Variants in TMEM59 observed in about 807,000 individuals in gnomAD.
The protein encoded by TMEM59 is dendritic cell factor 1.
Under a neutral mutation model 42.2 loss-of-function variants are expected in TMEM59, and 44 were observed. That is an observed-to-expected ratio of 1.04 (90% CI 0.82 to 1.34). The LOEUF (loss-of-function observed/expected upper bound fraction) is 1.34, where lower values mean the gene tolerates loss of function less well. Among genes scored for constraint, TMEM59 ranks in the 40% most tolerant of loss-of-function variants. The pLI is 0.00. For synonymous variants in TMEM59, 148 were observed against 145.8 expected (o/e 1.02, Z -0.11); for missense variants, 359 against 382.8 (o/e 0.94, Z 0.52).
Position 54,027,911 on chromosome 1 carries a change from C to T in TMEM59, c.*4239G>A, listed in dbSNP as rs1244216711. 6.6e-6 allele frequency: 1 copy of T among 152,226 alleles called. No homozygotes were observed. The highest frequency in any genetic ancestry group is 1.5e-5 in the Non-Finnish European group (1 of 68,058). 9.4% of individuals were successfully genotyped at this position (152,226 alleles called of 1,614,324 possible). On this transcript the variant is annotated 3_prime_UTR_variant, in exon 8 of 8. Transcript: ENST00000234831. ...ACCATCCAGCTTCCTAAACAGAAGA[C>T]TAAATTTCCCGCTATCCCTGTCTTT...
intron 1 of TMEM59, chr1:54,048,717 G>T (rs1657428711): frequency 2.4e-6 from 1 of 408,194 alleles, no homozygotes; most frequent in Non-Finnish European, 5.1e-6. Flanking sequence ...ATACCAGTTA[G>T]CAACCAATGA....
At chr1:54,050,992 G>A (rs997333475) in intron 1 of TMEM59, among the ~76,000 whole-genome samples, 4 of 151,836 alleles carry the variant, frequency 2.6e-5, no homozygotes, top group African/African-American at 9.7e-5. Flanking sequence ...GGGACTACAG[G>A]TGCTCGTCTC....
At position 54,028,316 on chromosome 1, in the gene TMEM59, G is replaced by T. The variant is rs1334707615; in HGVS notation, c.*3834C>A. Reference sequence around the variant, plus strand: ...AAGTAAAATGAAATAGTATTCTTGGGTATTAAAAAAAGAACTCTGAGGCTA... The same window carrying T: ...AAGTAAAATGAAATAGTATTCTTGGTTATTAAAAAAAGAACTCTGAGGCTA... On this transcript the variant is annotated 3_prime_UTR_variant, in exon 8 of 8. Coordinates refer to ENST00000234831, the MANE Select transcript of TMEM59 (RefSeq NM_004872.5). The T allele has an allele frequency of 6.6e-6, 1 of 152,062 alleles. No homozygotes were observed. Among genetic ancestry groups the T allele is most frequent in the Non-Finnish European group, 1.5e-5 (1 of 68,020 alleles). 9.4% of individuals were successfully genotyped at this position (152,062 alleles called of 1,614,324 possible).
At chr1:54,051,794 C>A (rs903177061) in intron 1 of TMEM59, among the ~76,000 whole-genome samples, 2 of 152,148 alleles carry the variant, frequency 1.3e-5, no homozygotes, top group Non-Finnish European at 2.9e-5. Context: ...ACTTCTTTCT[C>A]GATTGTTACA....
chr1:54,043,594 C>A, intron 3 of TMEM59, 69 bp from the exon 4 acceptor site: 1 of 1,049,352 alleles, frequency 9.5e-7, no homozygotes, highest in South Asian at 3.2e-5. Flanking sequence ...ACAATATAAT[C>A]AAGATTACTC....
chr1:54,053,323 T>G, upstream of TMEM59: 2 of 1,107,714 alleles, frequency 1.8e-6, no homozygotes. Context: ...AGCTCCGCCC[T>G]CACCCGCCAG....
In TMEM59 at chr1:54,042,003, ACAGATTTCTGG is replaced by A. The variant is rs1569951403; in HGVS notation, c.544-209_544-199del. 5.3e-5 allele frequency among the ~76,000 whole-genome samples: 8 copies of A among 152,216 alleles called. No individual in the cohort carries two copies. In the East Asian group the frequency reaches 1.5e-3, roughly 29 times the overall value. ...ATCAGAGCCAGTGCCTTGCAAAGAA[ACAGATTTCTGG>A]CAGATTTATGTTAGTTTAACTTCCT... is the stretch of plus-strand genomic sequence containing the variant. On this transcript the variant is annotated intron_variant, in intron 4 of 7. Transcript: ENST00000234831.
Position 54,043,575 on chromosome 1 carries a change from T to C in TMEM59, c.391-50A>G, listed in dbSNP as rs1296864419. 4 of 1,228,440 alleles carry C rather than the reference T, an allele frequency of 3.3e-6. No homozygotes were observed. In the African/African-American group the frequency reaches 6.2e-5, roughly 19 times the overall value. 76.1% of individuals were successfully genotyped at this position (1,228,440 alleles called of 1,614,324 possible). ...AATATATTATTTTTATATATGTATA[T>C]TCAAAAGAACAATATAATCAAGATT... On this transcript the variant is annotated intron_variant, in intron 3 of 7. Transcript: ENST00000234831.
chr1:54,035,788 A>G (rs1001532945), intron 7 of TMEM59, among the ~76,000 whole-genome samples: 8 of 151,874 alleles, frequency 5.3e-5, no homozygotes, highest in African/African-American at 1.5e-4. Context: ...AATTTTTATA[A>G]TTTTTCATAG....
chr1:54,046,354 A>C (rs1657336396), intron 2 of TMEM59, among the ~76,000 whole-genome samples: 1 of 152,254 alleles, frequency 6.6e-6, no homozygotes, highest in Non-Finnish European at 1.5e-5. Flanking sequence ...TGAAAGTCTA[A>C]GAAAATTGAA....
Position 54,029,073 on chromosome 1 carries a change from A to G in TMEM59, c.*3077T>C, listed in dbSNP as rs1656687957. On this transcript the variant is annotated 3_prime_UTR_variant, in exon 8 of 8. Coordinates refer to ENST00000234831, the MANE Select transcript of TMEM59 (RefSeq NM_004872.5). Reference sequence around the variant, plus strand: ...GTAACAAAAATGGCTCATTTATCTAAGACAAATCCAGACAGACTAATAACA... The same window carrying G: ...GTAACAAAAATGGCTCATTTATCTAGGACAAATCCAGACAGACTAATAACA... 6.6e-6 allele frequency: 1 copy of G among 152,222 alleles called. No individual in the cohort carries two copies. The highest frequency in any genetic ancestry group is 2.1e-4 in the South Asian group (1 of 4,826). The allele number at this position is 152,222 out of a possible 1,614,324, so 9.4% of individuals were successfully genotyped here. A position where few individuals can be genotyped will look rare whatever the true frequency, so the allele number is the denominator to read the frequency against.
chr1:54,036,205 T>C (rs1398790775), intron 7 of TMEM59, among the ~76,000 whole-genome samples: 1 of 151,648 alleles, frequency 6.6e-6, no homozygotes, highest in African/African-American at 2.4e-5. Flanking sequence ...CACTTGAACC[T>C]AGGAAGCAGA....
intron 4 of TMEM59, among the ~76,000 whole-genome samples, chr1:54,042,739 A>G (rs537594490): frequency 1.4e-4 from 22 of 152,294 alleles, no homozygotes; most frequent in African/African-American, 4.1e-4. Flanking sequence ...CTGGGTTTGA[A>G]GCTTAATTCT....
chr1:54,052,753 A>G lies in TMEM59; in HGVS notation c.189+247T>C, dbSNP rs1184488149. ...TGCAGCCCGGCAAGCTCCCAGAGGA[A>G]AGGGATCGCGTCTTTCTCATCTTTG... On this transcript the variant is annotated intron_variant, in intron 1 of 7. Coordinates refer to ENST00000234831, the MANE Select transcript of TMEM59 (RefSeq NM_004872.5). 2.0e-5 allele frequency among the ~76,000 whole-genome samples: 3 copies of G among 152,270 alleles called. No individual in the cohort carries two copies. In the East Asian group the frequency reaches 5.8e-4, roughly 29 times the overall value.
In TMEM59 at chr1:54,029,131, A is replaced by C. The variant is rs1265388811; in HGVS notation, c.*3019T>G. ...AATTGTTTGCCTTTGGCTGGAAGATAAGCTCAGACAGTGCAGGGTTTTCTG... is the reference window on the plus strand; with the variant it reads ...AATTGTTTGCCTTTGGCTGGAAGATCAGCTCAGACAGTGCAGGGTTTTCTG... On this transcript the variant is annotated 3_prime_UTR_variant, in exon 8 of 8. Transcript: ENST00000234831. 6.6e-6 allele frequency: 1 copy of C among 152,248 alleles called. No individual in the cohort carries two copies. The highest frequency in any genetic ancestry group is 1.5e-5 in the Non-Finnish European group (1 of 68,050). The allele number at this position is 152,248 out of a possible 1,614,324, so 9.4% of individuals were successfully genotyped here.
chr1:54,036,553 G>T (rs779611849), intron 7 of TMEM59, 57 bp downstream of exon 7: 2 of 1,253,128 alleles, frequency 1.6e-6, no homozygotes, highest in Non-Finnish European at 1.1e-6. Flanking sequence ...AACAAATAAG[G>T]TGTTTAAAAT....
chr1:54,046,629 T>C (rs1657346634), intron 2 of TMEM59, among the ~76,000 whole-genome samples: 1 of 152,214 alleles, frequency 6.6e-6, no homozygotes, highest in African/African-American at 2.4e-5. Flanking sequence ...CAAAGAAGAC[T>C]GTATGTGAGC....
At chr1:54,038,635 T>C (rs924408038) in intron 6 of TMEM59, among the ~76,000 whole-genome samples, 2 of 152,096 alleles carry the variant, frequency 1.3e-5, no homozygotes, top group African/African-American at 4.8e-5. Flanking sequence ...CATGGAAAAA[T>C]CATGACACTT....
intron 6 of TMEM59, among the ~76,000 whole-genome samples, chr1:54,040,247 G>A (rs532524624): frequency 1.3e-5 from 2 of 152,264 alleles, no homozygotes; most frequent in African/African-American, 4.8e-5. Context: ...CTGCCTTCCA[G>A]GTTCAAACGA....
Sources: gnomAD v4.1 joint callset for allele counts (sites outside exome capture counted in the v4.1 genomes callset) on GRCh38, gnomAD v4.1.1 for gene constraint, MANE v1.5 for transcripts, NCBI Gene and HGNC (gene_info 2026-07-23, HGNC 2026-07-21) for gene names.